The following UTRN variants were observed in gnomAD, a reference collection of about 807,000 sequenced individuals.
UTRN encodes utrophin, also known as dystrophin-related protein 1.
A neutral mutation model predicts 463.9 loss-of-function variants in UTRN; 283 were observed. That is an observed-to-expected ratio of 0.61 (90% CI 0.55 to 0.67). The LOEUF is 0.67. UTRN is among the 30% of genes least tolerant of loss of function. The pLI is 0.00. For missense variants in UTRN, 3,922 were observed against 4,084.3 expected (o/e 0.96, Z 1.08); for synonymous variants, 1,442 against 1,431.5 (o/e 1.01, Z -0.17).
intron 2 of UTRN, among the ~76,000 whole-genome samples, chr6:144,322,064 A>G (rs1381848764): frequency 1.3e-5 from 2 of 152,006 alleles, no homozygotes; most frequent in Non-Finnish European, 1.5e-5. Flanking sequence ...GGCTGCCCAT[A>G]CTCTTAATCA....
chr6:144,504,100 C>T (rs531899278), intron 34 of UTRN, among the ~76,000 whole-genome samples: 1 of 152,274 alleles, frequency 6.6e-6, no homozygotes, highest in East Asian at 1.9e-4. Context: ...TATCCTGAGA[C>T]TTTGCTGAAA....
rs1381895830 is a variant in UTRN at position 144,453,806 on chromosome 6, A to G, written c.2221A>G (p.Arg741Gly). Residue 741 changes from arginine to glycine, a missense_variant, in exon 19 of 75, where the codon AGA becomes GGA. By Grantham distance (125) the Arg-to-Gly change is moderately radical (BLOSUM62 -2). Coordinates refer to ENST00000367545, the MANE Select transcript of UTRN (RefSeq NM_007124.3). ...GGCATTAGAAAAAGAACAGAGAGAAAGAATCCCCAGAGCAGATGAATTAAA... is the reference window on the plus strand; with the variant it reads ...GGCATTAGAAAAAGAACAGAGAGAAGGAATCCCCAGAGCAGATGAATTAAA... ...LKALEKEQRE[R>G]IPRADELNQT... The G allele has an allele frequency of 3.1e-6, 5 of 1,613,368 alleles. No homozygotes were observed. In the African/African-American group the frequency reaches 6.7e-5, roughly 22 times the overall value.
intron 60 of UTRN, among the ~76,000 whole-genome samples, chr6:144,780,400 A>G (rs1030288063): frequency 2.0e-5 from 3 of 152,136 alleles, no homozygotes; most frequent in Non-Finnish European, 4.4e-5. Context: ...AAATAAGATT[A>G]GAGTTCTTCT....
In UTRN at chr6:144,758,512, G is replaced by A. The variant is rs182228692; in HGVS notation, c.8495+523G>A. Among the ~76,000 whole-genome samples, 22 of 152,066 alleles carry A rather than the reference G, an allele frequency of 1.4e-4. No individual in the cohort carries two copies. In the South Asian group the frequency reaches 2.1e-3, roughly 14 times the overall value. On this transcript the variant is annotated intron_variant, in intron 58 of 74. Transcript: ENST00000367545. ...GTGAAATATTGTCAAGTTTTTCTTTGTCTTATAGAAGTTATCTGCATTATT... is the reference window on the plus strand; with the variant it reads ...GTGAAATATTGTCAAGTTTTTCTTTATCTTATAGAAGTTATCTGCATTATT...
intron 46 of UTRN, among the ~76,000 whole-genome samples, chr6:144,547,909 A>G (rs1267438108): frequency 1.3e-5 from 2 of 152,234 alleles, no homozygotes; most frequent in East Asian, 1.9e-4. Context: ...CAGATTGGCT[A>G]TACATTTTAG....
In UTRN at chr6:144,598,940, T is replaced by C. The variant is rs77079650; in HGVS notation, c.7479+21652T>C. On this transcript the variant is annotated intron_variant, in intron 51 of 74. Transcript: ENST00000367545. ...TTGGTTTCCAAATCAGAATGAATAT[T>C]GCTAGACTAGAAATAACTCAAAGGT... Among the ~76,000 whole-genome samples the C allele has an allele frequency of 2.4e-3, 365 of 152,310 alleles. 1 individual carries two copies. The highest frequency in any genetic ancestry group is 3.7e-3 in the Non-Finnish European group (251 of 68,018).
At chr6:144,739,651 A>G (rs1224640749) in intron 54 of UTRN, among the ~76,000 whole-genome samples, 2 of 152,280 alleles carry the variant, frequency 1.3e-5, no homozygotes, top group Admixed American at 1.3e-4. Flanking sequence ...GTAGCTGACC[A>G]CAGGGACTGG....
chr6:144,570,291 G>C (rs1335691556), intron 50 of UTRN, among the ~76,000 whole-genome samples: 5 of 152,108 alleles, frequency 3.3e-5, no homozygotes, highest in Non-Finnish European at 7.4e-5. Context: ...GTAGAGGTCT[G>C]GATGCGACAG....
intron 67 of UTRN, 57 bp downstream of exon 67, chr6:144,827,443 G>A (rs1006454182): frequency 2.5e-6 from 4 of 1,609,802 alleles, no homozygotes; most frequent in African/African-American, 2.7e-5. Flanking sequence ...TACTAGCATG[G>A]GGGTCTTACT....
At chr6:144,569,259 A>G (rs1405482979) in intron 50 of UTRN, among the ~76,000 whole-genome samples, 7 of 152,100 alleles carry the variant, frequency 4.6e-5, no homozygotes, top group African/African-American at 1.4e-4. Context: ...ACTTAAACAC[A>G]TACATTCATT....
At chr6:144,298,763 G>A (rs929733952) in intron 2 of UTRN, among the ~76,000 whole-genome samples, 1 of 152,138 alleles carries the variant, frequency 6.6e-6, no homozygotes, top group African/African-American at 2.4e-5. Context: ...TTTTCAAAGT[G>A]TAGAGAAAAG....
At chr6:144,364,915 T>C (rs1779382073) in intron 2 of UTRN, among the ~76,000 whole-genome samples, 1 of 152,164 alleles carries the variant, frequency 6.6e-6, no homozygotes, top group Non-Finnish European at 1.5e-5. Context: ...ACTCTCTTCC[T>C]TTTCCACTTA....
At chr6:144,535,078 C>T (rs919706314) in intron 43 of UTRN, among the ~76,000 whole-genome samples, 1 of 152,126 alleles carries the variant, frequency 6.6e-6, no homozygotes, top group Non-Finnish European at 1.5e-5. Flanking sequence ...GATTTATCTC[C>T]TAGACCTTTA....
intron 23 of UTRN, among the ~76,000 whole-genome samples, chr6:144,466,550 CT>C (rs1789981572): frequency 6.6e-6 from 1 of 152,168 alleles, no homozygotes; most frequent in African/African-American, 2.4e-5. Flanking sequence ...TTCATTGTTA[CT>C]TTTTACAAAC....
chr6:144,353,362 C>T (rs1267984568), intron 2 of UTRN, among the ~76,000 whole-genome samples: 1 of 152,026 alleles, frequency 6.6e-6, no homozygotes, highest in Non-Finnish European at 1.5e-5. Flanking sequence ...GGTCCACCTG[C>T]CTCTGCCTCC....
intron 53 of UTRN, among the ~76,000 whole-genome samples, chr6:144,716,049 T>G (rs150892671): frequency 1.6e-4 from 24 of 152,298 alleles, no homozygotes; most frequent in Non-Finnish European, 2.9e-4. Flanking sequence ...TTACATGACA[T>G]ATTTGAAATG....
chr6:144,516,412 C>T (rs796679814), intron 38 of UTRN, 25 bp downstream of exon 38: 1 of 1,591,554 alleles, frequency 6.3e-7, no homozygotes, highest in Non-Finnish European at 8.5e-7. Flanking sequence ...ATTTCAAAAC[C>T]ATGGTGGTCT....
At chr6:144,520,555 A>G (rs1795998411) in intron 39 of UTRN, among the ~76,000 whole-genome samples, 1 of 152,240 alleles carries the variant, frequency 6.6e-6, no homozygotes, top group Admixed American at 6.5e-5. Flanking sequence ...CAAGAAATGT[A>G]TAGACCTGCT....
intron 16 of UTRN, 149 bp from the exon 17 acceptor site, chr6:144,448,451 G>A: frequency 1.1e-6 from 1 of 884,602 alleles, no homozygotes; most frequent in Non-Finnish European, 1.7e-6. Flanking sequence ...AAATGTTCTG[G>A]AGACAGACTG....
Sources: allele counts gnomAD v4.1 joint callset (sites outside exome capture counted in the v4.1 genomes callset), GRCh38; gene constraint gnomAD v4.1.1; transcripts MANE v1.5; gene names NCBI Gene and HGNC (gene_info 2026-07-23, HGNC 2026-07-21).